Variants in MMS22L observed in about 807,000 individuals in gnomAD.
MMS22L encodes MMS22 like, DNA repair protein, also known as protein MMS22-like.
MMS22L carries 74 observed loss-of-function variants against 159.1 expected under a neutral mutation model. The ratio of observed to expected loss-of-function variants is 0.47; its 90% CI spans 0.39 to 0.56. The LOEUF (loss-of-function observed/expected upper bound fraction) is 0.56. Among genes scored for constraint, MMS22L ranks in the 20% least tolerant of loss-of-function variants. The pLI, the probability that MMS22L is intolerant of heterozygous loss-of-function variation, is 0.00. For synonymous variants in MMS22L, 517 were observed against 506.9 expected (o/e 1.02, Z -0.27); for missense variants, 1,351 against 1,422.1 (o/e 0.95, Z 0.80).
intron 18 of MMS22L, among the ~76,000 whole-genome samples, chr6:97,177,022 C>T (rs1804194237): frequency 6.6e-6 from 1 of 152,066 alleles, no homozygotes; most frequent in African/African-American, 2.4e-5. Context: ...CCTATTTCTC[C>T]TTAAGGTATC....
intron 14 of MMS22L, among the ~76,000 whole-genome samples, chr6:97,211,709 G>A (rs1399826851): frequency 6.6e-6 from 1 of 152,024 alleles, no homozygotes; most frequent in Non-Finnish European, 1.5e-5. Flanking sequence ...AATGTCAGAA[G>A]TAGAAAAGTA....
chr6:97,257,450 C>T (rs868778187), intron 9 of MMS22L, among the ~76,000 whole-genome samples: 1 of 152,074 alleles, frequency 6.6e-6, no homozygotes, highest in African/African-American at 2.4e-5. Context: ...TGACATTACA[C>T]ATTTTATTCT....
chr6:97,234,877 T>C (rs988898353), intron 11 of MMS22L, among the ~76,000 whole-genome samples: 8 of 152,202 alleles, frequency 5.3e-5, no homozygotes, highest in Non-Finnish European at 1.0e-4. Flanking sequence ...AAGAAAAACA[T>C]TCAAGGCAGA....
chr6:97,249,641 T>C (rs933521449), intron 10 of MMS22L, among the ~76,000 whole-genome samples: 1 of 152,032 alleles, frequency 6.6e-6, no homozygotes, highest in African/African-American at 2.4e-5. Context: ...GTCATGTATG[T>C]ACAAATCAAA....
intron 14 of MMS22L, among the ~76,000 whole-genome samples, chr6:97,204,984 C>T (rs1207213577): frequency 7.3e-6 from 1 of 137,176 alleles, no homozygotes; most frequent in African/African-American, 2.8e-5. Flanking sequence ...CACTCTGCTG[C>T]CCTGGCTGGA....
intron 14 of MMS22L, among the ~76,000 whole-genome samples, chr6:97,218,262 G>T (rs1315510084): frequency 1.3e-5 from 2 of 152,122 alleles, no homozygotes; most frequent in African/African-American, 4.8e-5. Context: ...TAAACACAGA[G>T]ATGAAATTCA....
chr6:97,282,432 C>G lies in MMS22L; in HGVS notation c.46G>C (p.Glu16Gln). 1 of 1,614,066 alleles carries G rather than the reference C, an allele frequency of 6.2e-7. No homozygotes were observed. Among genetic ancestry groups the G allele is most frequent in the Non-Finnish European group, 8.5e-7 (1 of 1,180,012 alleles). ...AASTFLTDSL[E>Q]LELGTEWCKP... ...CACCATTCCGTCCCCAGCTCCAGCT[C>G]TAAGCTGTCAGTCAGGAACGTCGAT... The change falls in exon 2 of 25, where the codon GAG becomes CAG. Residue 16 changes from glutamate to glutamine, a missense_variant. Transcript: ENST00000683635.
At position 97,283,178 on chromosome 6, in the gene MMS22L, G is replaced by C. The variant is rs1328143261; in HGVS notation, c.-159C>G. On this transcript the variant is annotated 5_prime_UTR_variant, in exon 1 of 25. Transcript: ENST00000683635. ...ATCTTTGGGGTCTAAACCGCAAACA[G>C]GCGAAATTCCCGCCACCGCGCGCCC... 6.6e-6 allele frequency: 1 copy of C among 152,246 alleles called. No homozygotes were observed. The highest frequency in any genetic ancestry group is 1.5e-5 in the Non-Finnish European group (1 of 68,068). 9.4% of individuals were successfully genotyped at this position (152,246 alleles called of 1,614,324 possible). A position where few individuals can be genotyped will look rare whatever the true frequency, so the allele number is the denominator to read the frequency against.
intron 4 of MMS22L, among the ~76,000 whole-genome samples, chr6:97,275,930 G>A (rs1816199923): frequency 5.9e-5 from 9 of 152,140 alleles, no homozygotes; most frequent in Admixed American, 5.9e-4. Context: ...CTTGAGCCCA[G>A]GAGGTCAAGG....
At chr6:97,177,171 T>C (rs57243782) in intron 18 of MMS22L, among the ~76,000 whole-genome samples, 3,275 of 152,242 alleles carry the variant, frequency 0.022, 125 homozygotes, top group African/African-American at 0.075. Flanking sequence ...TATTGTTACT[T>C]ATTTTCATTA....
chr6:97,221,685 A>G (rs1809669440), intron 14 of MMS22L, among the ~76,000 whole-genome samples: 1 of 152,058 alleles, frequency 6.6e-6, no homozygotes, highest in Non-Finnish European at 1.5e-5. Flanking sequence ...AAAAAAGGCA[A>G]TGGATTACTC....
Position 97,234,323 on chromosome 6 carries a change from G to A in MMS22L, c.1183-343C>T, listed in dbSNP as rs571875567. Among the ~76,000 whole-genome samples the A allele has an allele frequency of 1.2e-3, 190 of 152,234 alleles. 2 individuals carry two copies. The South Asian group carries it at 0.019, about 15-fold the overall frequency. ...AAAGAAGTGGCAAAAATGATGTAAC[G>A]ATTAAGATGTACACAAATCCAGAGT... is the stretch of plus-strand genomic sequence containing the variant. On this transcript the variant is annotated intron_variant, in intron 11 of 24. Coordinates refer to ENST00000683635, the MANE Select transcript of MMS22L (RefSeq NM_001350599.2).
chr6:97,246,574 T>C, intron 11 of MMS22L, 54 bp downstream of exon 11: 2 of 1,426,038 alleles, frequency 1.4e-6, no homozygotes, highest in South Asian at 1.3e-5. Flanking sequence ...AAAATAAAAT[T>C]TGTAACATAA....
At chr6:97,154,341 A>G (rs1562392763) in intron 22 of MMS22L, among the ~76,000 whole-genome samples, 1 of 152,130 alleles carries the variant, frequency 6.6e-6, no homozygotes, top group Non-Finnish European at 1.5e-5. Flanking sequence ...AGTTATTTAT[A>G]TATTATAGAT....
intron 14 of MMS22L, among the ~76,000 whole-genome samples, chr6:97,195,326 G>A (rs1260056633): frequency 1.3e-5 from 2 of 152,142 alleles, no homozygotes; most frequent in Non-Finnish European, 1.5e-5. Context: ...AGGTGGCAGG[G>A]TTCCAGACCA....
intron 11 of MMS22L, among the ~76,000 whole-genome samples, chr6:97,242,997 G>A (rs1479464408): frequency 1.3e-5 from 2 of 152,136 alleles, no homozygotes; most frequent in African/African-American, 4.8e-5. Flanking sequence ...CTGCCTCACA[G>A]CTCTTAAGAT....
chr6:97,281,417 A>T lies in MMS22L; in HGVS notation c.165-55T>A. 2.8e-6 allele frequency: 4 copies of T among 1,408,604 alleles called. No homozygotes were observed. The South Asian group carries it at 5.3e-5, about 19-fold the overall frequency. 87.3% of individuals were successfully genotyped at this position (1,408,604 alleles called of 1,614,324 possible). A position where few individuals can be genotyped will look rare whatever the true frequency, so the allele number is the denominator to read the frequency against. ...AAAGTATACTAAGTACCATAATACG[A>T]CGGCTCTTTTCTTTACATTATTTGA... On this transcript the variant is annotated intron_variant, in intron 2 of 24. Coordinates refer to ENST00000683635, the MANE Select transcript of MMS22L (RefSeq NM_001350599.2).
At chr6:97,187,022 G>GAAAACAATTTTT (rs11276172) in intron 14 of MMS22L, among the ~76,000 whole-genome samples, 67,353 of 151,070 alleles carry the variant, frequency 0.45, 15,192 homozygotes, top group South Asian at 0.53. Flanking sequence ...ATCTAGACAT[G>GAAAACAATTTTT]AAAACAATTT....
intron 14 of MMS22L, among the ~76,000 whole-genome samples, chr6:97,195,685 T>A (rs538750697): frequency 6.6e-6 from 1 of 152,278 alleles, no homozygotes; most frequent in East Asian, 1.9e-4. Flanking sequence ...ATTCTTAAAG[T>A]GGTAAGAAGA....
Sources: gnomAD v4.1 joint callset for allele counts (sites outside exome capture counted in the v4.1 genomes callset) on GRCh38, gnomAD v4.1.1 for gene constraint, MANE v1.5 for transcripts, NCBI Gene and HGNC (gene_info 2026-07-23, HGNC 2026-07-21) for gene names.